Variants in FAAP100 observed in about 807,000 individuals in gnomAD.
The protein encoded by FAAP100 is Fanconi anemia core complex-associated protein 100.
Under a neutral mutation model 65.8 loss-of-function variants are expected in FAAP100, and 46 were observed. The observed-to-expected ratio is 0.70, with a 90% CI of 0.55 to 0.89. The LOEUF (loss-of-function observed/expected upper bound fraction) is 0.89. Ranked by LOEUF, FAAP100 falls within the 40% of genes least tolerant of loss-of-function variation. The pLI, the probability that FAAP100 is intolerant of heterozygous loss-of-function variation, is 0.00. For synonymous variants in FAAP100, 663 were observed against 555.1 expected (o/e 1.19, Z -2.73); for missense variants, 1,165 against 1,196.7 (o/e 0.97, Z 0.39).
rs1445886173 is a variant in FAAP100 at position 81,540,553 on chromosome 17, C to T, written c.*266G>A. ...AAGGCGAGTGCAGGGGCTGCGGCCG[C>T]GGTCAGAGAAGGAGAGACACCAGCA... On this transcript the variant is annotated 3_prime_UTR_variant, in exon 9 of 9. Transcript: ENST00000327787. The T allele has an allele frequency of 1.1e-5, 5 of 437,422 alleles. No individual in the cohort carries two copies. The highest frequency in any genetic ancestry group is 3.4e-5 in the East Asian group (1 of 29,254). The allele number at this position is 437,422 out of a possible 1,614,324, so 27.1% of individuals were successfully genotyped here.
In FAAP100 at chr17:81,547,389, A is replaced by C; in HGVS notation, c.1693T>G (p.Tyr565Asp). The C allele has an allele frequency of 6.2e-7, 1 of 1,612,882 alleles. No homozygotes were observed. The highest frequency in any genetic ancestry group is 1.1e-5 in the South Asian group (1 of 91,080). Reference sequence around the variant, plus strand: ...CCGAGCTGGTCCACGGGGATGGTGTAGGTGATGGCGGAGCAGGCCGAGTCC... The same window carrying C: ...CCGAGCTGGTCCACGGGGATGGTGTCGGTGATGGCGGAGCAGGCCGAGTCC... ...DLDSACSAIT[Y>D]TIPVDQLGPG... is the part of the protein sequence containing the mutation. Residue 565 changes from tyrosine to aspartate, a missense_variant, in exon 5 of 9, where the codon TAC (tyrosine) becomes GAC (aspartate). Physicochemically the swap from Tyr to Asp is radical, Grantham distance 160. Transcript: ENST00000327787.
chr17:81,543,614 C>G (rs2033194297), intron 7 of FAAP100, among the ~76,000 whole-genome samples: 1 of 152,148 alleles, frequency 6.6e-6, no homozygotes, highest in African/African-American at 2.4e-5. Flanking sequence ...CTCCTACCAC[C>G]TCGTTCTAGG....
rs1037876196 is a variant in FAAP100 at position 81,546,984 on chromosome 17, A to T, written c.2098T>A (p.Tyr700Asn). The T allele has an allele frequency of 5.3e-6, 8 of 1,498,946 alleles. No individual in the cohort carries two copies. In the African/African-American group the frequency reaches 7.0e-5, roughly 13 times the overall value. The allele number at this position is 1,498,946 out of a possible 1,614,324, so 92.9% of individuals were successfully genotyped here. The stretch of plus-strand genomic sequence containing the variant: ...ATGGAAGCCACAGATGGGGGCAGGT[A>T]CTCGGCCCGCAGGGAGGCGGGTCCT... ...PAGPASLRAE[Y>N]LPPSVASIKV... The change falls in exon 5 of 9, where the codon TAC becomes AAC. Residue 700 changes from tyrosine (Y) to asparagine (N), a missense_variant. Tyr to Asn is a moderately radical substitution (Grantham distance 143). Transcript: ENST00000327787.
intron 5 of FAAP100, chr17:81,546,656 C>T: frequency 2.6e-6 from 1 of 387,160 alleles, no homozygotes; most frequent in Admixed American, 4.4e-5. Context: ...GGCCAGGATG[C>T]CCCAGGAGCA....
chr17:81,552,072 T>G lies in FAAP100; in HGVS notation c.166-20A>C. 1 of 1,479,010 alleles carries G rather than the reference T, an allele frequency of 6.8e-7. No homozygotes were observed. The highest frequency in any genetic ancestry group is 1.3e-5 in the South Asian group (1 of 75,628). The allele number at this position is 1,479,010 out of a possible 1,614,324, so 91.6% of individuals were successfully genotyped here. A position where few individuals can be genotyped will look rare whatever the true frequency, so the allele number is the denominator to read the frequency against. On this transcript the variant is annotated intron_variant, in intron 1 of 8. Transcript: ENST00000327787. The stretch of plus-strand genomic sequence containing the variant: ...CGCCGCCTGCGGACCGGGGCGCGGG[T>G]CAGGCCGACGCGACGCGCGGGCCCG...
intron 6 of FAAP100, 127 bp from the exon 7 acceptor site, chr17:81,544,247 T>G: frequency 1.4e-6 from 1 of 714,924 alleles, no homozygotes; most frequent in Non-Finnish European, 2.4e-6. Context: ...CCCCCTGCCC[T>G]GGGCTGTCCT....
Position 81,552,156 on chromosome 17 carries a change from C to G in FAAP100, c.165+10G>C. Reference sequence around the variant, plus strand: ...CCCGGTCCCTCCCGCCCCCGCGGGCCGGCGCTCACGGTCAGCAGCCCGCCC... The same window carrying G: ...CCCGGTCCCTCCCGCCCCCGCGGGCGGGCGCTCACGGTCAGCAGCCCGCCC... On this transcript the variant is annotated intron_variant, in intron 1 of 8. Transcript: ENST00000327787. 2.0e-6 allele frequency: 3 copies of G among 1,490,662 alleles called. No homozygotes were observed. In the South Asian group the frequency reaches 3.8e-5, roughly 19 times the overall value. The allele number at this position is 1,490,662 out of a possible 1,614,324, so 92.3% of individuals were successfully genotyped here. A position where few individuals can be genotyped will look rare whatever the true frequency, so the allele number is the denominator to read the frequency against.
intron 5 of FAAP100, 46 bp downstream of exon 5, chr17:81,546,863 A>T (rs1269565183): frequency 2.7e-5 from 36 of 1,348,110 alleles, no homozygotes; most frequent in African/African-American, 4.4e-5. Flanking sequence ...CTTAAAAAAA[A>T]AAAAAAAATC....
chr17:81,547,414 C>T lies in FAAP100; in HGVS notation c.1668G>A (p.Leu556=), dbSNP rs1181870079. The T allele has an allele frequency of 6.2e-7, 1 of 1,612,924 alleles. No individual in the cohort carries two copies. Among genetic ancestry groups the T allele is most frequent in the Non-Finnish European group, 8.5e-7 (1 of 1,180,026 alleles). ...QVLTSSCALD[L]DSACSAITYT... ...AGGTGATGGCGGAGCAGGCCGAGTC[C>T]AGGTCGAGAGCACAGGAGCTGGTGA... The change falls in exon 5 of 9, where the codon CTG becomes CTA. Residue 556 remains leucine (L), a synonymous_variant. Coordinates refer to ENST00000327787, the MANE Select transcript of FAAP100 (RefSeq NM_025161.6).
Position 81,542,499 on chromosome 17 carries a change from C to T in FAAP100, c.2428-1104G>A, listed in dbSNP as rs768785493. 3.9e-5 allele frequency among the ~76,000 whole-genome samples: 6 copies of T among 152,242 alleles called. No individual in the cohort carries two copies. The South Asian group carries it at 6.2e-4, about 16-fold the overall frequency. ...ACCCTGAGGGGCAGCACTGGCCTGC[C>T]GGGGGCTCCAGAAGTGCTGGTGGCT... On this transcript the variant is annotated intron_variant, in intron 7 of 8. Transcript: ENST00000327787.
In FAAP100 at chr17:81,550,853, C is replaced by T. The variant is rs1392020448; in HGVS notation, c.641G>A (p.Gly214Asp). Residue 214 changes from glycine to aspartate, a missense_variant, in exon 3 of 9, where the codon GGC becomes GAC. Coordinates refer to ENST00000327787, the MANE Select transcript of FAAP100 (RefSeq NM_025161.6). ...GSRVPHDLLGGSGGFTLEDAL... is the reference protein window; with the variant it reads ...GSRVPHDLLGDSGGFTLEDAL... ...GTCCTCCAGCGTGAAGCCCCCGGAGCCCCCGAGGAGGTCGTGCGGGACCCT... is the reference window on the plus strand; with the variant it reads ...GTCCTCCAGCGTGAAGCCCCCGGAGTCCCCGAGGAGGTCGTGCGGGACCCT... The T allele has an allele frequency of 6.2e-7, 1 of 1,612,018 alleles. No homozygotes were observed. The highest frequency in any genetic ancestry group is 1.7e-5 in the Admixed American group (1 of 59,864).
In FAAP100 at chr17:81,552,219, A is replaced by G; in HGVS notation, c.112T>C (p.Ser38Pro). 6.7e-7 allele frequency: 1 copy of G among 1,499,958 alleles called. No individual in the cohort carries two copies. The highest frequency in any genetic ancestry group is 8.8e-7 in the Non-Finnish European group (1 of 1,131,342). 92.9% of individuals were successfully genotyped at this position (1,499,958 alleles called of 1,614,324 possible). The change falls in exon 1 of 9, where the codon TCC (serine) becomes CCC (proline). Residue 38 changes from serine to proline, a missense_variant. By Grantham distance (74) the Ser-to-Pro change is moderately conservative. Transcript: ENST00000327787. ...ACGTAGACGAGCTCGCTCCCGGTGG[A>G]CAGGAAGACCTCTGCCTCATGGCAC... ...VLCHEAEVFL[S>P]TGSELVYVYD...
upstream of FAAP100, among the ~76,000 whole-genome samples, chr17:81,552,780 C>T (rs748192449): frequency 3.3e-5 from 5 of 152,134 alleles, no homozygotes; most frequent in Admixed American, 6.5e-5. Flanking sequence ...GGAGCGCACT[C>T]CAGCCGGGGT....
At chr17:81,552,144 G>A (rs752747637) in intron 1 of FAAP100, 22 bp downstream of exon 1, 5 of 1,486,128 alleles carry the variant, frequency 3.4e-6, no homozygotes, top group South Asian at 2.5e-5. Flanking sequence ...GGTCCCTCCC[G>A]CCCCCGCGGG....
chr17:81,551,019 A>T lies in FAAP100; in HGVS notation c.475T>A (p.Cys159Ser). The part of the protein sequence containing the change: ...RWKMQLFEQP[C>S]PGEDPRPGGQ... ...CCTGGCCGGGGGTCCTCCCCAGGAC[A>T]GGGCTGCTCAAACAGCTGCATCTTC... The change falls in exon 3 of 9, where the codon TGT becomes AGT. Residue 159 changes from cysteine to serine, a missense_variant. By Grantham distance (112) the Cys-to-Ser change is moderately radical. Coordinates refer to ENST00000327787, the MANE Select transcript of FAAP100 (RefSeq NM_025161.6). 6.2e-7 allele frequency: 1 copy of T among 1,611,180 alleles called. No homozygotes were observed. Among genetic ancestry groups the T allele is most frequent in the Non-Finnish European group, 8.5e-7 (1 of 1,179,284 alleles).
intron 2 of FAAP100, chr17:81,551,593 A>T (rs1289455449): frequency 2.1e-6 from 2 of 957,388 alleles, no homozygotes; most frequent in Non-Finnish European, 2.8e-6. Flanking sequence ...ACTCGGGGTC[A>T]CGGTGCCTTT....
chr17:81,552,648 G>A (rs977936629), upstream of FAAP100, among the ~76,000 whole-genome samples: 10 of 152,206 alleles, frequency 6.6e-5, no homozygotes, highest in Non-Finnish European at 1.2e-4. Context: ...GGGGAAGCGG[G>A]TCCTGGCCGA....
In FAAP100 at chr17:81,542,234, T is replaced by TATATATATAAA. The variant is rs148790569; in HGVS notation, c.2428-840_2428-839insTTTATATATAT. On this transcript the variant is annotated intron_variant, in intron 7 of 8. Coordinates refer to ENST00000327787, the MANE Select transcript of FAAP100 (RefSeq NM_025161.6). ...ATATATATATATATATATATATATA[T>TATATATATAAA]GAAATCAGCCAGGCGTGGTGACAGA... is the stretch of plus-strand genomic sequence containing the variant. Among the ~76,000 whole-genome samples the TATATATATAAA allele has an allele frequency of 4.7e-4, 44 of 93,926 alleles. 1 individual carries two copies. Among genetic ancestry groups the TATATATATAAA allele is most frequent in the Middle Eastern group, 6.1e-3 (1 of 164 alleles). 61.6% of individuals were successfully genotyped at this position (93,926 alleles called of 152,430 possible).
chr17:81,550,920 G>A lies in FAAP100; in HGVS notation c.574C>T (p.His192Tyr), dbSNP rs149308791. ...ACAGAGCACAGCACTGGAAGGAAGTGGGGGGCTGCAGGCTTTCCTGGGACC... is the reference window on the plus strand; with the variant it reads ...ACAGAGCACAGCACTGGAAGGAAGTAGGGGGCTGCAGGCTTTCCTGGGACC... ...AGVPGKPAAP[H>Y]FLPVLCSVSP... is the part of the protein sequence containing the mutation. Residue 192 changes from histidine (H) to tyrosine (Y), a missense_variant, in exon 3 of 9, where the codon CAC (histidine) becomes TAC (tyrosine). Transcript: ENST00000327787. The A allele has an allele frequency of 4.3e-6, 7 of 1,612,408 alleles. No individual in the cohort carries two copies. Among genetic ancestry groups the A allele is most frequent in the Admixed American group, 1.7e-5 (1 of 59,962 alleles).
Sources: gnomAD v4.1 joint callset for allele counts (sites outside exome capture counted in the v4.1 genomes callset) on GRCh38, gnomAD v4.1.1 for gene constraint, MANE v1.5 for transcripts, NCBI Gene and HGNC (gene_info 2026-07-23, HGNC 2026-07-21) for gene names.